The following MSRA variants were observed in gnomAD, a reference collection of about 807,000 sequenced individuals.
The protein encoded by MSRA is methionine sulfoxide reductase A, also known as mitochondrial peptide methionine sulfoxide reductase.
A neutral mutation model predicts 31.3 loss-of-function variants in MSRA; 54 were observed. That is an observed-to-expected ratio of 1.73 (90% confidence interval 1.39 to 2.17). The LOEUF is 2.17. Ranked by LOEUF, MSRA falls within the 30% of genes most tolerant of loss-of-function variation. The pLI, the probability that MSRA is intolerant of heterozygous loss-of-function variation, is 0.00. For missense variants in MSRA, 507 were observed against 300.9 expected, an observed-to-expected ratio of 1.69 and a Z score of -5.07; for synonymous variants, 169 against 116.5, an observed-to-expected ratio of 1.45 and a Z score of -2.90.
intron 1 of MSRA, among the ~76,000 whole-genome samples, chr8:10,098,994 C>T (rs1319393246): frequency 6.6e-6 from 1 of 152,204 alleles, no homozygotes; most frequent in South Asian, 2.1e-4. Context: ...CTCCCACATC[C>T]TGAGGCCAGC....
intron 1 of MSRA, among the ~76,000 whole-genome samples, chr8:10,104,724 A>T (rs1799767055): frequency 6.6e-6 from 1 of 152,172 alleles, no homozygotes; most frequent in Non-Finnish European, 1.5e-5. Flanking sequence ...GCTTTTCCTG[A>T]ATTCCAAAAG....
chr8:10,131,398 G>T (rs1253846358), intron 1 of MSRA, among the ~76,000 whole-genome samples: 1 of 152,202 alleles, frequency 6.6e-6, no homozygotes, highest in Non-Finnish European at 1.5e-5. Context: ...GTAGGATTTG[G>T]GCAGGTAGCA....
At chr8:10,299,433 C>A (rs1157198016) in intron 3 of MSRA, among the ~76,000 whole-genome samples, 1 of 152,106 alleles carries the variant, frequency 6.6e-6, no homozygotes, top group African/African-American at 2.4e-5. Context: ...ATTATACCTA[C>A]TGTATCTTTT....
chr8:10,363,025 G>T (rs1480139010), intron 5 of MSRA, among the ~76,000 whole-genome samples: 17 of 152,238 alleles, frequency 1.1e-4, no homozygotes, highest in Admixed American at 1.1e-3. Context: ...CATAAGAAAT[G>T]TATTCAGTGA....
At position 10,119,537 on chromosome 8, in the gene MSRA, T is replaced by A. The variant is rs1483906529; in HGVS notation, c.142+64879T>A. On this transcript the variant is annotated intron_variant, in intron 1 of 5. Transcript: ENST00000317173. ...GCAAGGTATTTCTGTGTGTATTTGG[T>A]TCGCTGATCAGCACTTGGGTTACCA... Among the ~76,000 whole-genome samples the A allele has an allele frequency of 2.6e-5, 4 of 152,208 alleles. No individual in the cohort carries two copies. The East Asian group carries it at 7.7e-4, about 29-fold the overall frequency.
At chr8:10,351,950 T>G (rs1482105771) in intron 5 of MSRA, among the ~76,000 whole-genome samples, 1 of 152,210 alleles carries the variant, frequency 6.6e-6, no homozygotes, top group Non-Finnish European at 1.5e-5. Context: ...CCCAGCTGTG[T>G]GGTTGTTGAC....
chr8:10,207,868 C>A lies in MSRA; in HGVS notation c.178C>A (p.Pro60Thr). Residue 60 changes from proline (P) to threonine (T), a missense_variant, in exon 2 of 6, where the codon CCT becomes ACT. Pro to Thr is a conservative substitution (Grantham distance 38). Transcript: ENST00000317173. ...TGTCAATGGCAACAGAACAGTCGAA[C>A]CTTTCCCAGAGGGAACACAGATGGC... is the stretch of plus-strand genomic sequence containing the variant. ...HHVNGNRTVEPFPEGTQMAVF... is the reference protein window; with the variant it reads ...HHVNGNRTVETFPEGTQMAVF... 1.2e-6 allele frequency: 2 copies of A among 1,611,926 alleles called. No homozygotes were observed. Among genetic ancestry groups the A allele is most frequent in the Non-Finnish European group, 1.7e-6 (2 of 1,179,110 alleles).
intron 3 of MSRA, among the ~76,000 whole-genome samples, chr8:10,288,653 C>G (rs777982364): frequency 2.6e-5 from 4 of 152,082 alleles, no homozygotes; most frequent in Non-Finnish European, 5.9e-5. Context: ...GAGTTATAAA[C>G]AAATCTGAAG....
intron 2 of MSRA, among the ~76,000 whole-genome samples, chr8:10,218,456 T>G (rs1044756302): frequency 1.3e-5 from 2 of 152,284 alleles, no homozygotes; most frequent in African/African-American, 2.4e-5. Flanking sequence ...TGGTTCCTTT[T>G]CTTTTGGTGA....
At chr8:10,341,085 T>G (rs1052691750) in intron 5 of MSRA, among the ~76,000 whole-genome samples, 1 of 152,214 alleles carries the variant, frequency 6.6e-6, no homozygotes, top group Non-Finnish European at 1.5e-5. Context: ...TCAGACCTAC[T>G]GAATTAGGGT....
chr8:10,387,240 C>G (rs1438220273), intron 5 of MSRA, among the ~76,000 whole-genome samples: 1 of 152,228 alleles, frequency 6.6e-6, no homozygotes, highest in Non-Finnish European at 1.5e-5. Flanking sequence ...CACAAAATCT[C>G]TATTTGAACA....
At chr8:10,065,397 G>A (rs1366607329) in intron 1 of MSRA, among the ~76,000 whole-genome samples, 1 of 152,112 alleles carries the variant, frequency 6.6e-6, no homozygotes, top group Admixed American at 6.5e-5. Context: ...TTTTTCTTCA[G>A]GCTTATGCTC....
At chr8:10,148,819 A>C (rs1389254123) in intron 1 of MSRA, among the ~76,000 whole-genome samples, 1 of 101,096 alleles carries the variant, frequency 9.9e-6, no homozygotes, top group African/African-American at 3.8e-5. Flanking sequence ...AAAAAAAAGG[A>C]AACTCTGTCT....
intron 1 of MSRA, among the ~76,000 whole-genome samples, chr8:10,161,091 T>G (rs1435897208): frequency 1.3e-5 from 2 of 152,232 alleles, no homozygotes; most frequent in Non-Finnish European, 2.9e-5. Flanking sequence ...CACAATATTA[T>G]CAAGCTTCCA....
intron 5 of MSRA, among the ~76,000 whole-genome samples, chr8:10,382,905 C>T (rs970665217): frequency 1.3e-5 from 2 of 152,210 alleles, no homozygotes; most frequent in African/African-American, 4.8e-5. Flanking sequence ...CCGCCAGCTC[C>T]CTTTCAGGTC....
At chr8:10,180,034 G>T (rs975161653) in intron 1 of MSRA, among the ~76,000 whole-genome samples, 3 of 152,036 alleles carry the variant, frequency 2.0e-5, no homozygotes, top group African/African-American at 7.3e-5. Flanking sequence ...TTCAATTCTG[G>T]CATTAACGAC....
chr8:10,283,301 T>A (rs1203312227), intron 3 of MSRA, among the ~76,000 whole-genome samples: 1 of 152,148 alleles, frequency 6.6e-6, no homozygotes, highest in Non-Finnish European at 1.5e-5. Context: ...AAATTGCACA[T>A]CATTTTTAGC....
At chr8:10,062,616 T>C (rs1009294273) in intron 1 of MSRA, among the ~76,000 whole-genome samples, 2 of 152,228 alleles carry the variant, frequency 1.3e-5, no homozygotes, top group South Asian at 2.1e-4. Flanking sequence ...TTATGTATTA[T>C]GGCACATAAT....
chr8:10,286,637 C>G lies in MSRA; in HGVS notation c.332-14897C>G, dbSNP rs138224816. On this transcript the variant is annotated intron_variant, in intron 3 of 5. Coordinates refer to ENST00000317173, the MANE Select transcript of MSRA (RefSeq NM_012331.5). ...GTCTCCATTAAACCAGAGCACTTGT[C>G]TGTGCCCCTCCCATGGCACCTAACA... Among the ~76,000 whole-genome samples, 704 of 152,348 alleles carry G rather than the reference C, an allele frequency of 4.6e-3. 5 individuals carry two copies. The highest frequency in any genetic ancestry group is 7.6e-3 in the Non-Finnish European group (515 of 68,036).
Sources: gnomAD v4.1 joint callset for allele counts (sites outside exome capture counted in the v4.1 genomes callset) on GRCh38, gnomAD v4.1.1 for gene constraint, MANE v1.5 for transcripts, NCBI Gene and HGNC (gene_info 2026-07-23, HGNC 2026-07-21) for gene names.